CNOT2: variants seen among roughly 807,000 people sequenced by gnomAD.
The protein encoded by CNOT2 is CC chemokine receptor 4-negative regulator of transcription 2.
A neutral mutation model predicts 72.1 loss-of-function variants in CNOT2; 7 were observed. The observed-to-expected ratio is 0.10, with a 90% CI of 0.06 to 0.18. The LOEUF (loss-of-function observed/expected upper bound fraction) is 0.18, where lower values mean the gene tolerates loss of function less well. Ranked by LOEUF, CNOT2 falls within the 10% of genes least tolerant of loss-of-function variation. The pLI is 1.00. For missense variants in CNOT2, 345 were observed against 660.3 expected, an observed-to-expected ratio of 0.52 and a Z score of 5.23; for synonymous variants, 196 against 225.6, an observed-to-expected ratio of 0.87 and a Z score of 1.17.
intron 2 of CNOT2, among the ~76,000 whole-genome samples, chr12:70,306,032 G>A (rs975810222): frequency 3.9e-5 from 6 of 152,028 alleles, no homozygotes; most frequent in African/African-American, 1.4e-4. Flanking sequence ...GGAAAATCCA[G>A]CCAACTTAAG....
chr12:70,243,624 T>C (rs867973615), intron 1 of CNOT2, 144 bp downstream of exon 1: 18 of 151,148 alleles, frequency 1.2e-4, no homozygotes, highest in African/African-American at 3.6e-4. Flanking sequence ...GGCCCACCGC[T>C]TCCCGTTGCT....
intron 6 of CNOT2, chr12:70,331,099 A>C (rs554442487): frequency 6.6e-6 from 1 of 152,112 alleles, no homozygotes; most frequent in East Asian, 1.9e-4. Context: ...TATGTCTGAA[A>C]TATAACACTT....
At chr12:70,252,021 T>C (rs1437663998) in intron 1 of CNOT2, among the ~76,000 whole-genome samples, 1 of 152,230 alleles carries the variant, frequency 6.6e-6, no homozygotes, top group African/African-American at 2.4e-5. Context: ...TTTACAATGC[T>C]ATGATATGTG....
At chr12:70,337,120 C>A in intron 8 of CNOT2, 3 of 219,838 alleles carry the variant, frequency 1.4e-5, no homozygotes, top group South Asian at 2.5e-4. Context: ...ATAATTAATC[C>A]AATATCAAAT....
chr12:70,275,097 T>C (rs1191870296), intron 1 of CNOT2, among the ~76,000 whole-genome samples: 1 of 152,100 alleles, frequency 6.6e-6, no homozygotes, highest in Admixed American at 6.5e-5. Context: ...AACATGGCTG[T>C]ACTTACCTTC....
chr12:70,293,121 A>G (rs956102080), intron 2 of CNOT2, among the ~76,000 whole-genome samples: 4 of 151,612 alleles, frequency 2.6e-5, no homozygotes, highest in African/African-American at 9.7e-5. Flanking sequence ...TTATATTTTC[A>G]AGGATTCAAC....
At chr12:70,325,429 A>G (rs1401232924) in intron 4 of CNOT2, among the ~76,000 whole-genome samples, 2 of 151,816 alleles carry the variant, frequency 1.3e-5, no homozygotes, top group Non-Finnish European at 2.9e-5. Context: ...ATTATTAACT[A>G]CCATTAAAAA....
chr12:70,265,904 A>G (rs1959014828), intron 1 of CNOT2, among the ~76,000 whole-genome samples: 1 of 151,682 alleles, frequency 6.6e-6, no homozygotes, highest in African/African-American at 2.4e-5. Context: ...GCACAGTTCA[A>G]TTTTTATGTA....
At chr12:70,294,067 A>C (rs2135880234) in intron 2 of CNOT2, 1 of 1,250,158 alleles carries the variant, frequency 8.0e-7, no homozygotes, top group African/African-American at 1.5e-5. Context: ...CTTATTTTTC[A>C]AAGAGCGGAA....
chr12:70,282,331 C>T (rs973590944), intron 2 of CNOT2, among the ~76,000 whole-genome samples: 1 of 152,096 alleles, frequency 6.6e-6, no homozygotes, highest in African/African-American at 2.4e-5. Context: ...CTATTCCGTA[C>T]GTTTCTGAAG....
chr12:70,286,977 T>C (rs975609922), intron 2 of CNOT2, among the ~76,000 whole-genome samples: 2 of 152,092 alleles, frequency 1.3e-5, no homozygotes, highest in Admixed American at 6.5e-5. Flanking sequence ...TATTGAAATA[T>C]AGTTGACTTT....
intron 2 of CNOT2, among the ~76,000 whole-genome samples, chr12:70,281,791 G>A (rs375951680): frequency 2.5e-4 from 29 of 115,662 alleles, no homozygotes; most frequent in African/African-American, 7.2e-4. Flanking sequence ...GTCCAATGCC[G>A]TAGGAACTAG....
At position 70,271,531 on chromosome 12, in the gene CNOT2, G is replaced by A. The variant is rs989891734; in HGVS notation, c.-95-6601G>A. On this transcript the variant is annotated intron_variant, in intron 1 of 15. Transcript: ENST00000229195. Reference sequence around the variant, plus strand: ...TGGGATTACAGGCACCCACCATCACGCCTGGCTAATTTTTGTATTTTTAGT... The same window carrying A: ...TGGGATTACAGGCACCCACCATCACACCTGGCTAATTTTTGTATTTTTAGT... Among the ~76,000 whole-genome samples, 6 of 151,758 alleles carry A rather than the reference G, an allele frequency of 4.0e-5. No homozygotes were observed. The East Asian group carries it at 1.2e-3, about 29-fold the overall frequency.
At chr12:70,351,188 ATGTTT>A (rs758428922) in intron 15 of CNOT2, among the ~76,000 whole-genome samples, 59 of 152,300 alleles carry the variant, frequency 3.9e-4, no homozygotes, top group Non-Finnish European at 6.6e-4. Flanking sequence ...GAAAAATTAA[ATGTTT>A]TGTTCCTAAA....
At chr12:70,337,883 G>T in intron 9 of CNOT2, 3 of 377,834 alleles carry the variant, frequency 7.9e-6, no homozygotes, top group South Asian at 6.1e-5. Flanking sequence ...AACCAACTCA[G>T]CTTCTTCTTT....
At chr12:70,249,683 T>G (rs1198575893) in intron 1 of CNOT2, among the ~76,000 whole-genome samples, 1 of 152,112 alleles carries the variant, frequency 6.6e-6, no homozygotes, top group Non-Finnish European at 1.5e-5. Context: ...AGTAGGAAAT[T>G]TTTGTTTCAA....
intron 7 of CNOT2, 112 bp downstream of exon 7, chr12:70,332,958 TG>T (rs770722952): frequency 1.5e-6 from 2 of 1,342,652 alleles, no homozygotes; most frequent in South Asian, 2.1e-5. Flanking sequence ...TTATGTTAGA[TG>T]GTAGATTTTA....
intron 1 of CNOT2, among the ~76,000 whole-genome samples, chr12:70,248,874 C>T (rs1056139083): frequency 1.3e-5 from 2 of 151,952 alleles, no homozygotes; most frequent in African/African-American, 4.8e-5. Context: ...AAATGTCTTT[C>T]CTTATACGTG....
chr12:70,309,665 T>C (rs1876110973), intron 2 of CNOT2, among the ~76,000 whole-genome samples: 1 of 152,070 alleles, frequency 6.6e-6, no homozygotes, highest in Non-Finnish European at 1.5e-5. Flanking sequence ...GAGATGAGTT[T>C]TCCCCAAAAA....
Sources: gnomAD v4.1 joint callset for allele counts (sites outside exome capture counted in the v4.1 genomes callset) on GRCh38, gnomAD v4.1.1 for gene constraint, MANE v1.5 for transcripts, NCBI Gene and HGNC (gene_info 2026-07-23, HGNC 2026-07-21) for gene names.